GPRIN3: variants seen among roughly 807,000 people sequenced by gnomAD.
The protein encoded by GPRIN3 is G protein-regulated inducer of neurite outgrowth 3.
A neutral mutation model predicts 13.7 loss-of-function variants in GPRIN3; 12 were observed. That is an observed-to-expected ratio of 0.87 (90% CI 0.56 to 1.42). The LOEUF (loss-of-function observed/expected upper bound fraction) is 1.42, where lower values mean the gene tolerates loss of function less well. GPRIN3 is among the 40% of genes most tolerant of loss of function. The pLI, the probability that GPRIN3 is intolerant of heterozygous loss-of-function variation, is 0.00. For synonymous variants in GPRIN3, 377 were observed against 372.7 expected (o/e 1.01, Z -0.13); for missense variants, 1,009 against 958.7 (o/e 1.05, Z -0.69).
chr4:89,253,027 A>G (rs996974328), intron 1 of GPRIN3, among the ~76,000 whole-genome samples: 11 of 151,726 alleles, frequency 7.2e-5, no homozygotes, highest in Non-Finnish European at 1.3e-4. Context: ...AAAAAAAAAA[A>G]AAAAACAACT....
rs1050410864 is a variant in GPRIN3, at chr4:89,237,030, T to G, written c.*10750A>C. On this transcript the variant is annotated 3_prime_UTR_variant, in exon 2 of 2. Transcript: ENST00000609438. ...GCAATGACATTCTGCTTATTATTAT[T>G]TTTAATGGCAGGTCAAGGCTCTTTT... 1 of 152,198 alleles carries G rather than the reference T, an allele frequency of 6.6e-6. No homozygotes were observed. The highest frequency in any genetic ancestry group is 1.5e-5 in the Non-Finnish European group (1 of 68,042). The allele number at this position is 152,198 out of a possible 1,614,324, so 9.4% of individuals were successfully genotyped here. A position where few individuals can be genotyped will look rare whatever the true frequency, so the allele number is the denominator to read the frequency against.
In GPRIN3 at chr4:89,248,805, C is replaced by T. The variant is rs1359045117; in HGVS notation, c.1306G>A (p.Glu436Lys). The T allele has an allele frequency of 6.2e-7, 1 of 1,614,202 alleles. No homozygotes were observed. Among genetic ancestry groups the T allele is most frequent in the South Asian group, 1.1e-5 (1 of 91,078 alleles). Residue 436 changes from glutamate to lysine, a missense_variant, in exon 2 of 2, where the codon GAA (glutamate) becomes AAA (lysine). Transcript: ENST00000609438. ...GTCATTCCTGCTAACCTCCCATCTT[C>T]TTTACACGTATGCTGGGCATTACTG... ...VSSNAQHTCK[E>K]DGRLAGMTPV...
In GPRIN3 at chr4:89,248,328, C is replaced by T. The variant is rs1232997860; in HGVS notation, c.1783G>A (p.Glu595Lys). Reference sequence around the variant, plus strand: ...GTGGCTGTCTTGGTCTGTCTGTTTTCTTCTAAGGTGCTCTCCTGGTTCTTC... The same window carrying T: ...GTGGCTGTCTTGGTCTGTCTGTTTTTTTCTAAGGTGCTCTCCTGGTTCTTC... ...IRKNQESTLE[E>K]NRQTKTATSL... Residue 595 changes from glutamate to lysine, a missense_variant, in exon 2 of 2, where the codon GAA (glutamate) becomes AAA (lysine). Transcript: ENST00000609438. 1.2e-6 allele frequency: 2 copies of T among 1,614,032 alleles called. No homozygotes were observed. Among genetic ancestry groups the T allele is most frequent in the African/African-American group, 1.3e-5 (1 of 74,922 alleles).
In GPRIN3 at chr4:89,248,831, G is replaced by A. The variant is rs1172381875; in HGVS notation, c.1280C>T (p.Ser427Phe). 6.2e-7 allele frequency: 1 copy of A among 1,614,032 alleles called. No individual in the cohort carries two copies. The highest frequency in any genetic ancestry group is 1.3e-5 in the African/African-American group (1 of 74,918). The change falls in exon 2 of 2, where the codon TCC (serine) becomes TTC (phenylalanine). Residue 427 changes from serine (S) to phenylalanine (F), a missense_variant. Transcript: ENST00000609438. ...TTTACACGTATGCTGGGCATTACTG[G>A]AGACCAAATTGATTGATGAGGTTTT... ...VLKTSSINLVSSNAQHTCKED... is the reference protein window; with the variant it reads ...VLKTSSINLVFSNAQHTCKED...
intron 1 of GPRIN3, among the ~76,000 whole-genome samples, chr4:89,296,380 C>T: frequency 6.6e-6 from 1 of 152,170 alleles, no homozygotes; most frequent in East Asian, 1.9e-4. Context: ...CATCCTCCTA[C>T]CGAGTACCAT....
At chr4:89,298,400 G>A (rs557287747) in intron 1 of GPRIN3, among the ~76,000 whole-genome samples, 3 of 152,010 alleles carry the variant, frequency 2.0e-5, no homozygotes, top group African/African-American at 4.8e-5. Context: ...GAAGAGGAAC[G>A]GAAATGAAGC....
In GPRIN3 at chr4:89,241,035, T is replaced by A. The variant is rs1229411938; in HGVS notation, c.*6745A>T. On this transcript the variant is annotated 3_prime_UTR_variant, in exon 2 of 2. Coordinates refer to ENST00000609438, the MANE Select transcript of GPRIN3 (RefSeq NM_198281.3). ...AGTATGTACATCCTAGTCACACACT[T>A]AACACGGAGAGGATGTGTGAGGAAT... The A allele has an allele frequency of 6.6e-6, 1 of 152,122 alleles. No individual in the cohort carries two copies. The highest frequency in any genetic ancestry group is 6.5e-5 in the Admixed American group (1 of 15,268). The allele number at this position is 152,122 out of a possible 1,614,324, so 9.4% of individuals were successfully genotyped here.
At chr4:89,255,757 CA>C (rs1443013971) in intron 1 of GPRIN3, among the ~76,000 whole-genome samples, 1 of 152,178 alleles carries the variant, frequency 6.6e-6, no homozygotes, top group African/African-American at 2.4e-5. Flanking sequence ...CTGGACTCTG[CA>C]AAAGATGAAC....
At chr4:89,263,419 G>C (rs979289198) in intron 1 of GPRIN3, among the ~76,000 whole-genome samples, 1 of 152,166 alleles carries the variant, frequency 6.6e-6, no homozygotes, top group Non-Finnish European at 1.5e-5. Context: ...TGTGCACTGG[G>C]GTGGAGGCCC....
rs1723025581 is a variant in GPRIN3, at chr4:89,244,261, G to GTA, written c.*3517_*3518dup. On this transcript the variant is annotated 3_prime_UTR_variant, in exon 2 of 2. Coordinates refer to ENST00000609438, the MANE Select transcript of GPRIN3 (RefSeq NM_198281.3). Reference sequence around the variant, plus strand: ...TTGGTTCTGAAATCCAACCTCTAAGGTATATGTTACACATGCATATTTAGT... The same window carrying GTA: ...TTGGTTCTGAAATCCAACCTCTAAGGTATATATGTTACACATGCATATTTAGT... The GTA allele has an allele frequency of 6.6e-6, 1 of 151,944 alleles. No homozygotes were observed. The highest frequency in any genetic ancestry group is 1.5e-5 in the Non-Finnish European group (1 of 67,974). The allele number at this position is 151,944 out of a possible 1,614,324, so 9.4% of individuals were successfully genotyped here. A position where few individuals can be genotyped will look rare whatever the true frequency, so the allele number is the denominator to read the frequency against.
intron 1 of GPRIN3, among the ~76,000 whole-genome samples, chr4:89,303,329 G>A (rs919365019): frequency 1.3e-5 from 2 of 152,110 alleles, no homozygotes; most frequent in African/African-American, 2.4e-5. Flanking sequence ...CTGTGCCAAC[G>A]ACTGTAGTTG....
At chr4:89,276,629 G>GT (rs1487893758) in intron 1 of GPRIN3, among the ~76,000 whole-genome samples, 2 of 152,220 alleles carry the variant, frequency 1.3e-5, no homozygotes, top group Admixed American at 1.3e-4. Flanking sequence ...AGAAGATAAT[G>GT]TGAGTGCACT....
intron 1 of GPRIN3, among the ~76,000 whole-genome samples, chr4:89,282,155 A>AC (rs1324523652): frequency 6.6e-6 from 1 of 152,230 alleles, no homozygotes; most frequent in African/African-American, 2.4e-5. Flanking sequence ...AATTACTGTA[A>AC]CATAAAAGAA....
chr4:89,292,112 C>T (rs1216911407), intron 1 of GPRIN3, among the ~76,000 whole-genome samples: 1 of 152,058 alleles, frequency 6.6e-6, no homozygotes, highest in Non-Finnish European at 1.5e-5. Context: ...TAAATAAATG[C>T]TTCTATGTGA....
At chr4:89,292,733 A>G (rs139356713) in intron 1 of GPRIN3, among the ~76,000 whole-genome samples, 3 of 152,350 alleles carry the variant, frequency 2.0e-5, no homozygotes, top group Non-Finnish European at 4.4e-5. Flanking sequence ...CCAATTACAC[A>G]TGCTTACAAG....
chr4:89,292,162 T>G (rs1271870276), intron 1 of GPRIN3, among the ~76,000 whole-genome samples: 1 of 152,202 alleles, frequency 6.6e-6, no homozygotes, highest in African/African-American at 2.4e-5. Context: ...AGTGACATAA[T>G]TAATACATCC....
In GPRIN3 at chr4:89,249,657, C is replaced by T. The variant is rs1388689900; in HGVS notation, c.454G>A (p.Glu152Lys). The change falls in exon 2 of 2, where the codon GAA (glutamate) becomes AAA (lysine). Residue 152 changes from glutamate (E) to lysine (K), a missense_variant. By Grantham distance (56) the Glu-to-Lys change is moderately conservative. Coordinates refer to ENST00000609438, the MANE Select transcript of GPRIN3 (RefSeq NM_198281.3). Reference sequence around the variant, plus strand: ...CTCTGTGATCTCATCAGGGAATCTTCAGGCATGGATGAGGTGATGGCATTG... The same window carrying T: ...CTCTGTGATCTCATCAGGGAATCTTTAGGCATGGATGAGGTGATGGCATTG... The part of the protein sequence containing the change: ...QPNAITSSMP[E>K]DSLMRSQRTS... 1.2e-6 allele frequency: 2 copies of T among 1,614,052 alleles called. No individual in the cohort carries two copies. Among genetic ancestry groups the T allele is most frequent in the Non-Finnish European group, 1.7e-6 (2 of 1,180,018 alleles).
intron 1 of GPRIN3, among the ~76,000 whole-genome samples, chr4:89,288,729 G>A (rs1192535779): frequency 1.3e-5 from 2 of 152,122 alleles, no homozygotes; most frequent in African/African-American, 4.8e-5. Flanking sequence ...AGCAAATTTA[G>A]CCTATGATTT....
intron 1 of GPRIN3, among the ~76,000 whole-genome samples, chr4:89,275,166 G>A (rs913819520): frequency 1.3e-5 from 2 of 151,954 alleles, no homozygotes; most frequent in African/African-American, 2.4e-5. Flanking sequence ...GTGTCCACGC[G>A]CATGTGCACA....
Sources: allele counts gnomAD v4.1 joint callset (sites outside exome capture counted in the v4.1 genomes callset), GRCh38; gene constraint gnomAD v4.1.1; transcripts MANE v1.5; gene names NCBI Gene and HGNC (gene_info 2026-07-23, HGNC 2026-07-21).